Variants in PRIM2 observed in about 807,000 individuals in gnomAD.
PRIM2 encodes DNA primase subunit 2, also known as DNA primase large subunit.
Under a neutral mutation model 67.3 loss-of-function variants are expected in PRIM2, and 39 were observed. The ratio of observed to expected loss-of-function variants is 0.58; its 90% CI spans 0.45 to 0.76. The LOEUF (loss-of-function observed/expected upper bound fraction) is 0.76. Among genes scored for constraint, PRIM2 ranks in the 30% least tolerant of loss-of-function variants. The pLI is 0.00. For synonymous variants in PRIM2, 143 were observed against 198.7 expected (o/e 0.72, Z 2.36); for missense variants, 398 against 598.7 (o/e 0.66, Z 3.50).
At chr6:57,324,162 C>T (rs1272316157) in intron 3 of PRIM2, 39 bp from the exon 4 acceptor site, 1 of 1,136,708 alleles carries the variant, frequency 8.8e-7, no homozygotes, top group Non-Finnish European at 1.3e-6. Flanking sequence ...TCTTACCATT[C>T]TAATGCATTT....
chr6:57,298,757 A>G, the PRIM2 span, among the ~76,000 whole-genome samples: 43 of 152,192 alleles, frequency 2.8e-4, no homozygotes, highest in Non-Finnish European at 5.4e-4. Context: ...GTGCTGCTAC[A>G]TAATTTAAAA....
intron 5 of PRIM2, among the ~76,000 whole-genome samples, chr6:57,372,110 T>A (rs3800008): frequency 8.6e-5 from 13 of 152,040 alleles, no homozygotes; most frequent in African/African-American, 3.1e-4. Flanking sequence ...AAATTTTTAC[T>A]TATAAAACTT....
At chr6:57,402,010 G>T (rs72871674) in intron 7 of PRIM2, among the ~76,000 whole-genome samples, 1 of 152,220 alleles carries the variant, frequency 6.6e-6, no homozygotes, top group Non-Finnish European at 1.5e-5. Flanking sequence ...TTGCAGAGCT[G>T]CTACTGGTTT....
intron 5 of PRIM2, among the ~76,000 whole-genome samples, chr6:57,366,552 G>A (rs1769365286): frequency 6.6e-6 from 1 of 152,154 alleles, no homozygotes; most frequent in Non-Finnish European, 1.5e-5. Context: ...GTCAGAGGAT[G>A]CTGACGACTG....
chr6:57,252,482 C>T, the PRIM2 span, among the ~76,000 whole-genome samples: 6 of 152,128 alleles, frequency 3.9e-5, no homozygotes, highest in African/African-American at 9.7e-5. Context: ...GCTTTGTCGC[C>T]GAGGCTGGAG....
intron 10 of PRIM2, among the ~76,000 whole-genome samples, chr6:57,597,312 G>T (rs1776384614): frequency 6.6e-6 from 1 of 151,424 alleles, no homozygotes. Flanking sequence ...GTGGATAGGA[G>T]TTGGAAGAAG....
At chr6:57,466,881 A>C (rs1773210709) in intron 7 of PRIM2, among the ~76,000 whole-genome samples, 1 of 152,106 alleles carries the variant, frequency 6.6e-6, no homozygotes, top group Non-Finnish European at 1.5e-5. Flanking sequence ...GCACTTTGGC[A>C]GGCTGAGGCA....
At chr6:57,401,588 G>T (rs1023051039) in intron 7 of PRIM2, among the ~76,000 whole-genome samples, 1 of 152,196 alleles carries the variant, frequency 6.6e-6, no homozygotes, top group African/African-American at 2.4e-5. Context: ...GGCCTGCCCA[G>T]TGCAGTTCTG....
At chr6:57,307,910 G>A in the PRIM2 span, among the ~76,000 whole-genome samples, 1 of 152,156 alleles carries the variant, frequency 6.6e-6, no homozygotes, top group Non-Finnish European at 1.5e-5. Context: ...ACAGAGCAGG[G>A]GAGGGGGCTA....
Position 57,364,173 on chromosome 6 carries a change from C to T in PRIM2, c.460-15728C>T, listed in dbSNP as rs541436946. Among the ~76,000 whole-genome samples, 13 of 150,900 alleles carry T rather than the reference C, an allele frequency of 8.6e-5. No homozygotes were observed. In the East Asian group the frequency reaches 2.5e-3, roughly 29 times the overall value. On this transcript the variant is annotated intron_variant, in intron 5 of 13. Transcript: ENST00000615550. ...TCTTTTTCAAATTTGTTGTAGGTTG[C>T]TTTTTAATCTGTCTGATAATTCTAA...
At chr6:57,429,291 G>T (rs1771741383) in intron 7 of PRIM2, among the ~76,000 whole-genome samples, 3 of 152,198 alleles carry the variant, frequency 2.0e-5, no homozygotes, top group Non-Finnish European at 4.4e-5. Context: ...AAATTACTAA[G>T]AGAAAACATC....
the PRIM2 span, among the ~76,000 whole-genome samples, chr6:57,256,196 A>G: frequency 2.0e-5 from 3 of 152,190 alleles, no homozygotes; most frequent in Non-Finnish European, 2.9e-5. Context: ...ATAAAATATT[A>G]CTTGGGGGAA....
chr6:57,225,032 T>C, the PRIM2 span, among the ~76,000 whole-genome samples: 1 of 152,204 alleles, frequency 6.6e-6, no homozygotes, highest in Non-Finnish European at 1.5e-5. Flanking sequence ...TGTCTTCCAA[T>C]AGTTTCCCTC....
At chr6:57,574,011 G>C (rs1775915400) in intron 10 of PRIM2, among the ~76,000 whole-genome samples, 1 of 151,670 alleles carries the variant, frequency 6.6e-6, no homozygotes, top group African/African-American at 2.4e-5. Context: ...TGAAGGCAGG[G>C]AACCTAAGGC....
At chr6:57,367,638 T>C (rs1470697568) in intron 5 of PRIM2, among the ~76,000 whole-genome samples, 2 of 152,238 alleles carry the variant, frequency 1.3e-5, no homozygotes, top group Admixed American at 6.5e-5. Flanking sequence ...GTATTATATA[T>C]GGGCTTTCTT....
chr6:57,259,418 C>T, the PRIM2 span, among the ~76,000 whole-genome samples: 3 of 152,142 alleles, frequency 2.0e-5, no homozygotes, highest in Admixed American at 6.5e-5. Flanking sequence ...AAGGCCTAGG[C>T]TTGGAACTGG....
At chr6:57,308,621 T>C in the PRIM2 span, among the ~76,000 whole-genome samples, 2 of 152,206 alleles carry the variant, frequency 1.3e-5, no homozygotes, top group Non-Finnish European at 2.9e-5. Context: ...TCAAAGTAGT[T>C]GTATCAATTA....
At chr6:57,352,390 C>T (rs9382710) in intron 5 of PRIM2, among the ~76,000 whole-genome samples, 1 of 151,920 alleles carries the variant, frequency 6.6e-6, no homozygotes, top group East Asian at 1.9e-4. Flanking sequence ...ACAGGTGTTC[C>T]CCACCATGCC....
intron 7 of PRIM2, among the ~76,000 whole-genome samples, chr6:57,500,277 C>T (rs1774104383): frequency 1.3e-5 from 2 of 152,172 alleles, no homozygotes; most frequent in Non-Finnish European, 2.9e-5. Context: ...GTTTAGTTTG[C>T]CCTCCTCCAA....
Sources: gnomAD v4.1 joint callset for allele counts (sites outside exome capture counted in the v4.1 genomes callset) on GRCh38, gnomAD v4.1.1 for gene constraint, MANE v1.5 for transcripts, NCBI Gene and HGNC (gene_info 2026-07-23, HGNC 2026-07-21) for gene names.